Variants in MLLT10 observed in about 807,000 individuals in gnomAD.
The protein encoded by MLLT10 is protein AF-10.
A neutral mutation model predicts 129.1 loss-of-function variants in MLLT10; 30 were observed. The ratio of observed to expected loss-of-function variants is 0.23; its 90% CI spans 0.17 to 0.32. The LOEUF (loss-of-function observed/expected upper bound fraction) is 0.32. Among genes scored for constraint, MLLT10 ranks in the 10% least tolerant of loss-of-function variants. MLLT10 has a pLI of 1.00. For synonymous variants in MLLT10, 490 were observed against 446.4 expected, an observed-to-expected ratio of 1.10 and a Z score of -1.23; for missense variants, 1,119 against 1,268.3, an observed-to-expected ratio of 0.88 and a Z score of 1.79.
chr10:21,547,477 C>T (rs763536652), intron 3 of MLLT10, among the ~76,000 whole-genome samples: 10 of 149,884 alleles, frequency 6.7e-5, no homozygotes, highest in Non-Finnish European at 1.3e-4. Flanking sequence ...CTCATGTGAT[C>T]CTCTCACCTT....
chr10:21,608,403 C>T (rs1231449303), intron 5 of MLLT10, among the ~76,000 whole-genome samples: 1 of 151,850 alleles, frequency 6.6e-6, no homozygotes, highest in African/African-American at 2.4e-5. Flanking sequence ...TGTTGAACTC[C>T]TGGGCTCAAG....
intron 7 of MLLT10, among the ~76,000 whole-genome samples, chr10:21,616,785 A>G (rs1350103772): frequency 2.0e-5 from 3 of 151,988 alleles, no homozygotes; most frequent in Admixed American, 2.0e-4. Flanking sequence ...CCCTTTTTTA[A>G]TACGGCATTT....
intron 8 of MLLT10, among the ~76,000 whole-genome samples, chr10:21,630,109 A>G (rs1469616090): frequency 3.3e-5 from 5 of 152,240 alleles, no homozygotes; most frequent in Non-Finnish European, 7.3e-5. Context: ...TAGTAGAGCA[A>G]AGAAACTAGA....
rs1285290719 is a variant in MLLT10 at position 21,713,810 on chromosome 10, A to G, written c.1738A>G (p.Asn580Asp). Residue 580 changes from asparagine to aspartate, a missense_variant, in exon 14 of 23, where the codon AAT becomes GAT. Coordinates refer to ENST00000307729, the MANE Select transcript of MLLT10 (RefSeq NM_001195626.3). ...NSNDVAVSFP[N>D]VVSGSGSSTP... Reference sequence around the variant, plus strand: ...CAATGATGTAGCAGTATCGTTTCCAAATGTAGTATCTGGCTCGGGATCTAG... The same window carrying G: ...CAATGATGTAGCAGTATCGTTTCCAGATGTAGTATCTGGCTCGGGATCTAG... 1.2e-6 allele frequency: 2 copies of G among 1,613,524 alleles called. No homozygotes were observed. Among genetic ancestry groups the G allele is most frequent in the Non-Finnish European group, 1.7e-6 (2 of 1,179,806 alleles).
chr10:21,735,488 T>C (rs750889502), intron 21 of MLLT10, among the ~76,000 whole-genome samples: 13 of 152,354 alleles, frequency 8.5e-5, no homozygotes, highest in Non-Finnish European at 1.6e-4. Flanking sequence ...TGGTGCGTGT[T>C]TTCCCGGAGC....
rs779340444 is a variant in MLLT10 at position 21,734,073 on chromosome 10, C to T, written c.2802C>T (p.Thr934=). Residue 934 remains threonine, a synonymous_variant, in exon 20 of 23, where the codon ACC becomes ACT. Transcript: ENST00000307729. The part of the protein sequence containing the change: ...VTMSQNPTPL[T]HTTVPPNATH... ...TGTCCCAGAACCCTACCCCTCTCAC[C>T]CACACAACCGTACCACCTAATGCAA... The T allele has an allele frequency of 1.2e-6, 2 of 1,613,898 alleles. No homozygotes were observed. The highest frequency in any genetic ancestry group is 2.2e-5 in the South Asian group (2 of 91,072).
At chr10:21,605,132 C>T (rs905883829) in intron 5 of MLLT10, among the ~76,000 whole-genome samples, 1 of 151,594 alleles carries the variant, frequency 6.6e-6, no homozygotes, top group Non-Finnish European at 1.5e-5. Context: ...TATTTAACAT[C>T]TTGGCTTAGC....
At chr10:21,630,802 CTT>C (rs1041542221) in intron 8 of MLLT10, among the ~76,000 whole-genome samples, 2 of 152,158 alleles carry the variant, frequency 1.3e-5, no homozygotes, top group African/African-American at 2.4e-5. Flanking sequence ...ATCTTAGACT[CTT>C]TGTAGTTTTT....
At chr10:21,731,179 A>G (rs1439654850) in intron 17 of MLLT10, 125 bp downstream of exon 17, 11 of 879,206 alleles carry the variant, frequency 1.3e-5, no homozygotes, top group Admixed American at 5.2e-5. Context: ...TTTATATAAT[A>G]CAGTGAGAGA....
intron 3 of MLLT10, among the ~76,000 whole-genome samples, chr10:21,562,860 C>G (rs2039036212): frequency 8.6e-6 from 1 of 116,144 alleles, no homozygotes; most frequent in Admixed American, 1.0e-4. Context: ...ACTCTTGTTG[C>G]CCAGGCTGGA....
In MLLT10 at chr10:21,704,005, G is replaced by A. The variant is rs557523178; in HGVS notation, c.1700-9767G>A. 3.7e-3 allele frequency among the ~76,000 whole-genome samples: 381 copies of A among 102,994 alleles called. 2 individuals are homozygous for A. The highest frequency in any genetic ancestry group is 0.012 in the African/African-American group (370 of 30,374). 67.6% of individuals were successfully genotyped at this position (102,994 alleles called of 152,430 possible). ...AACTTCTGAATACATTTTGGATTTC[G>A]ATTGTTTTTTGTTTTTTTTTTTTTT... On this transcript the variant is annotated intron_variant, in intron 13 of 22. Coordinates refer to ENST00000307729, the MANE Select transcript of MLLT10 (RefSeq NM_001195626.3).
chr10:21,667,434 T>G (rs2050932747), intron 9 of MLLT10, among the ~76,000 whole-genome samples: 1 of 151,806 alleles, frequency 6.6e-6, no homozygotes, highest in Non-Finnish European at 1.5e-5. Context: ...GGGGATTTTT[T>G]GTTCGTTTGT....
chr10:21,705,263 G>A (rs2055382861), intron 13 of MLLT10, among the ~76,000 whole-genome samples: 1 of 152,144 alleles, frequency 6.6e-6, no homozygotes, highest in South Asian at 2.1e-4. Context: ...TGCCAGCTGT[G>A]GCAGTAGCAG....
chr10:21,578,859 C>A (rs971687473), intron 3 of MLLT10, among the ~76,000 whole-genome samples: 4 of 151,998 alleles, frequency 2.6e-5, no homozygotes, highest in African/African-American at 9.7e-5. Flanking sequence ...TATTATAAGC[C>A]CCAGAAAACA....
chr10:21,609,095 C>A lies in MLLT10; in HGVS notation c.406-3253C>A, dbSNP rs189690289. Among the ~76,000 whole-genome samples the A allele has an allele frequency of 2.6e-5, 4 of 152,200 alleles. No individual in the cohort carries two copies. The East Asian group carries it at 7.8e-4, about 29-fold the overall frequency. On this transcript the variant is annotated intron_variant, in intron 5 of 22. Coordinates refer to ENST00000307729, the MANE Select transcript of MLLT10 (RefSeq NM_001195626.3). ...CCAATAGTATACAACCTCAGATGGCCCTGCTCTAACAAATGTAGGACCCAC... is the reference window on the plus strand; with the variant it reads ...CCAATAGTATACAACCTCAGATGGCACTGCTCTAACAAATGTAGGACCCAC...
rs182162115 is a variant in MLLT10 at position 21,677,048 on chromosome 10, T to C, written c.1621+3129T>C. 5.3e-5 allele frequency among the ~76,000 whole-genome samples: 8 copies of C among 152,292 alleles called. No individual in the cohort carries two copies. In the South Asian group the frequency reaches 8.3e-4, roughly 16 times the overall value. ...GCATTAAGTGTTATTACTCATTATA[T>C]AGGACAAGAAACTGAGACAGAATTC... On this transcript the variant is annotated intron_variant, in intron 11 of 22. Coordinates refer to ENST00000307729, the MANE Select transcript of MLLT10 (RefSeq NM_001195626.3).
intron 4 of MLLT10, among the ~76,000 whole-genome samples, chr10:21,590,433 A>G (rs1187156840): frequency 6.6e-6 from 1 of 151,486 alleles, no homozygotes; most frequent in Non-Finnish European, 1.5e-5. Context: ...TTCACCTCCC[A>G]GGTTCAAGTG....
intron 13 of MLLT10, among the ~76,000 whole-genome samples, chr10:21,683,979 C>T (rs2053015358): frequency 6.6e-6 from 1 of 151,716 alleles, no homozygotes; most frequent in Non-Finnish European, 1.5e-5. Context: ...TAGTCGTTTA[C>T]AGCTATATAA....
At chr10:21,615,178 C>A (rs1305412950) in intron 7 of MLLT10, among the ~76,000 whole-genome samples, 2 of 151,776 alleles carry the variant, frequency 1.3e-5, no homozygotes, top group African/African-American at 4.8e-5. Context: ...TAATATTAGG[C>A]CGGGTGTTGT....
Sources: allele counts gnomAD v4.1 joint callset (sites outside exome capture counted in the v4.1 genomes callset), GRCh38; gene constraint gnomAD v4.1.1; transcripts MANE v1.5; gene names NCBI Gene and HGNC (gene_info 2026-07-23, HGNC 2026-07-21).